PPEF1: variants seen among roughly 807,000 people sequenced by gnomAD.
PPEF1 encodes serine/threonine-protein phosphatase with EF-hands 1.
In PPEF1, 12 loss-of-function variants were observed where a neutral mutation model predicts 53.3. That is an observed-to-expected ratio of 0.23 (90% CI 0.14 to 0.36). PPEF1 has a LOEUF of 0.36. PPEF1 is among the 10% of genes least tolerant of loss of function. The pLI, the probability that PPEF1 is intolerant of heterozygous loss-of-function variation, is 1.00. For synonymous variants in PPEF1, 165 were observed against 176.7 expected, an observed-to-expected ratio of 0.93 and a Z score of 0.52; for missense variants, 334 against 490.4, an observed-to-expected ratio of 0.68 and a Z score of 3.01.
At chrX:18,705,680 ACT>A (rs1174805737), upstream of PPEF1, among the ~76,000 whole-genome samples, 1 of 111,209 alleles carries the variant, frequency 9.0e-6, no homozygotes, top group Non-Finnish European at 1.9e-5. Flanking sequence ...GCGCCACTGC[ACT>A]CCAGCCTGGG....
At chrX:18,739,510 G>T (rs994794514) in intron 3 of PPEF1, among the ~76,000 whole-genome samples, 2 of 111,602 alleles carry the variant, frequency 1.8e-5, no homozygotes, top group Non-Finnish European at 3.8e-5. Context: ...CGTCTCAGAG[G>T]GGTACCTGGC....
chrX:18,820,187 T>C (rs2047003674), intron 13 of PPEF1, among the ~76,000 whole-genome samples: 1 of 111,776 alleles, frequency 8.9e-6, no homozygotes, highest in Non-Finnish European at 1.9e-5. Context: ...AAAAAGGACA[T>C]TTCATAATGA....
chrX:18,794,529 A>G (rs969959416), intron 10 of PPEF1, among the ~76,000 whole-genome samples: 7 of 112,770 alleles, frequency 6.2e-5, no homozygotes, highest in African/African-American at 2.3e-4. Context: ...GTGGGGTAGT[A>G]GGCAGGGATG....
At chrX:18,816,294 A>T (rs1013625570) in intron 12 of PPEF1, among the ~76,000 whole-genome samples, 26 of 110,291 alleles carry the variant, frequency 2.4e-4, no homozygotes, top group Non-Finnish European at 4.0e-4. Flanking sequence ...CATATTTGTG[A>T]CTTGCCCAAA....
At chrX:18,746,324 A>C (rs1470415187) in intron 3 of PPEF1, among the ~76,000 whole-genome samples, 1 of 111,839 alleles carries the variant, frequency 8.9e-6, no homozygotes. Flanking sequence ...ACTGGAAGAG[A>C]ATTTATGTTA....
intron 1 of PPEF1, among the ~76,000 whole-genome samples, chrX:18,684,530 C>T (rs1328892163): frequency 9.0e-6 from 1 of 111,201 alleles, no homozygotes. Context: ...GAGATGGCCA[C>T]TCGAGAGAGA....
intron 10 of PPEF1, among the ~76,000 whole-genome samples, chrX:18,797,185 CAT>C (rs1491520188): frequency 9.8e-5 from 11 of 112,177 alleles, no homozygotes; most frequent in Non-Finnish European, 3.8e-5. Flanking sequence ...TAAACACACA[CAT>C]AAGTTATGCT....
At chrX:18,753,469 C>G (rs1475495979) in intron 4 of PPEF1, among the ~76,000 whole-genome samples, 1 of 111,284 alleles carries the variant, frequency 9.0e-6, no homozygotes, top group African/African-American at 3.3e-5. Context: ...TTGATTCTCT[C>G]TATTGTTTTT....
intron 8 of PPEF1, 99 bp downstream of exon 8, chrX:18,782,501 A>C (rs1373648039): frequency 1.5e-6 from 1 of 671,196 alleles, no homozygotes; most frequent in Non-Finnish European, 2.2e-6. Flanking sequence ...GCTTTAGGAA[A>C]GGTAATAGGC....
At chrX:18,678,349 T>A (rs757238532), upstream of PPEF1, among the ~76,000 whole-genome samples, 48 of 105,139 alleles carry the variant, frequency 4.6e-4, no homozygotes, top group African/African-American at 1.7e-3. Flanking sequence ...GCAGGGAGGA[T>A]CCCTTGAGCC....
chrX:18,704,615 T>A (rs191715380), upstream of PPEF1, among the ~76,000 whole-genome samples: 756 of 111,623 alleles, frequency 6.8e-3, 10 homozygotes, highest in African/African-American at 0.022. Flanking sequence ...TCTGGAAAAA[T>A]TCAGCTTGAA....
chrX:18,788,113 A>C (rs371931020), intron 9 of PPEF1, among the ~76,000 whole-genome samples: 1 of 111,133 alleles, frequency 9.0e-6, no homozygotes, highest in Non-Finnish European at 1.9e-5. Context: ...TCAGGAGATC[A>C]AGACCATCCT....
intron 10 of PPEF1, among the ~76,000 whole-genome samples, chrX:18,803,424 T>G (rs1180680938): frequency 8.9e-6 from 1 of 112,513 alleles, no homozygotes; most frequent in African/African-American, 3.2e-5. Flanking sequence ...ATGGCTAGTT[T>G]TGGGGCCAGT....
At chrX:18,680,363 A>T (rs1206657690), upstream of PPEF1, among the ~76,000 whole-genome samples, 1 of 107,644 alleles carries the variant, frequency 9.3e-6, no homozygotes, top group Non-Finnish European at 1.9e-5. Flanking sequence ...ATTCTTTTCC[A>T]TTCATGCTAG....
chrX:18,687,159 T>C (rs1019423156), intron 3 of PPEF1, among the ~76,000 whole-genome samples: 1 of 111,222 alleles, frequency 9.0e-6, no homozygotes, highest in African/African-American at 3.3e-5. Context: ...CCTCAGCCCA[T>C]AGATTTCTGC....
upstream of PPEF1, among the ~76,000 whole-genome samples, chrX:18,678,222 G>A (rs930143923): frequency 9.2e-6 from 1 of 108,556 alleles, no homozygotes; most frequent in Non-Finnish European, 1.9e-5. Flanking sequence ...CTTGAGCTCA[G>A]GAGTTCAAGA....
intron 3 of PPEF1, among the ~76,000 whole-genome samples, chrX:18,687,387 G>A (rs1330280513): frequency 9.0e-6 from 1 of 111,553 alleles, no homozygotes; most frequent in East Asian, 2.8e-4. Context: ...GGTGCTATCT[G>A]TAGCCTCGTT....
At chrX:18,707,892 TCTC>T (rs1452596653) in intron 1 of PPEF1, 66 bp downstream of exon 1, 26 of 1,017,674 alleles carry the variant, frequency 2.6e-5, no homozygotes, top group Non-Finnish European at 3.4e-5. Flanking sequence ...CTCACCCTCT[TCTC>T]CTTTCTCATT....
At position 18,729,488 on chromosome X, in the gene PPEF1, C is replaced by T. The variant is rs1169492434; in HGVS notation, c.47-693C>T. On this transcript the variant is annotated intron_variant, in intron 1 of 15. Transcript: ENST00000470157. ...CTATTGATTAAAGTAGTATTTCATT[C>T]TGTCTCTGACTTTTTAATAACCATT... Among the ~76,000 whole-genome samples, 3 of 112,138 alleles carry T rather than the reference C, an allele frequency of 2.7e-5. No individual in the cohort carries two copies. The Admixed American group carries it at 2.8e-4, about 11-fold the overall frequency.
Sources: gnomAD v4.1 joint callset for allele counts (sites outside exome capture counted in the v4.1 genomes callset) on GRCh38, gnomAD v4.1.1 for gene constraint, MANE v1.5 for transcripts, NCBI Gene and HGNC (gene_info 2026-07-23, HGNC 2026-07-21) for gene names.